The following WDHD1 variants were observed in gnomAD, a reference collection of about 807,000 sequenced individuals.
WDHD1 encodes the protein WD repeat and HMG-box DNA-binding protein 1.
Under a neutral mutation model 135.4 loss-of-function variants are expected in WDHD1, and 111 were observed. That is an observed-to-expected ratio of 0.82 (90% CI 0.70 to 0.96). The LOEUF (loss-of-function observed/expected upper bound fraction) is 0.96, where lower values mean the gene tolerates loss of function less well. Ranked by LOEUF, WDHD1 falls within the 40% of genes least tolerant of loss-of-function variation. The probability of loss-of-function intolerance (pLI) is 0.00; values close to 1 mark genes in which losing one functional copy is unlikely to be tolerated. For synonymous variants in WDHD1, 434 were observed against 439.0 expected (o/e 0.99, Z 0.14); for missense variants, 1,351 against 1,336.3 (o/e 1.01, Z -0.17).
rs1406588376 is a variant in WDHD1 at position 55,000,918 on chromosome 14, A to T, written c.768T>A (p.Val256=). ...TGCAGTCTTTGGTTTCCACATTCCA[A>T]ACTATGATTAGACCATTAATACTAC... is the stretch of plus-strand genomic sequence containing the variant. ...AAGSINGLII[V]WNVETKDCME... Residue 256 remains valine, a synonymous_variant, in exon 9 of 26, where the codon GTT becomes GTA. Transcript: ENST00000360586. 5.7e-6 allele frequency: 9 copies of T among 1,587,820 alleles called. No homozygotes were observed. In the Admixed American group the frequency reaches 1.6e-4, roughly 28 times the overall value.
intron 24 of WDHD1, among the ~76,000 whole-genome samples, chr14:54,947,085 A>G (rs575186617): frequency 1.3e-5 from 2 of 152,234 alleles, no homozygotes; most frequent in African/African-American, 4.8e-5. Flanking sequence ...CACACCTGTA[A>G]TCCCTGCACT....
chr14:55,011,524 CAAAAAAAAAA>C (rs60615259), intron 3 of WDHD1, among the ~76,000 whole-genome samples: 117 of 50,994 alleles, frequency 2.3e-3, no homozygotes, highest in Non-Finnish European at 3.4e-3. Flanking sequence ...AACTCTGTCT[CAAAAAAAAAA>C]AAAAAAAAAA....
chr14:54,966,500 T>C lies in WDHD1; in HGVS notation c.2285A>G (p.Gln762Arg). 6.2e-7 allele frequency: 1 copy of C among 1,603,256 alleles called. No individual in the cohort carries two copies. Among genetic ancestry groups the C allele is most frequent in the South Asian group, 1.1e-5 (1 of 88,890 alleles). The part of the protein sequence containing the change: ...STKNQATKEQ[Q>R]ELLMKMLALS... ...CGCAAGCATTTTCATTAAAAGTTCC[T>C]GTTGCTCTTTTGTTGCTTGATTTTT... The change falls in exon 18 of 26, where the codon CAG becomes CGG. Residue 762 changes from glutamine to arginine, a missense_variant. Coordinates refer to ENST00000360586, the MANE Select transcript of WDHD1 (RefSeq NM_007086.4).
At position 55,010,317 on chromosome 14, in the gene WDHD1, A is replaced by G. The variant is rs780903435; in HGVS notation, c.333T>C (p.Ala111=). ...ATGTCAAAGAGCCTTACCTAGATCCAGCAGCAATTTTAGTACCATCCCCAT... is the reference window on the plus strand; with the variant it reads ...ATGTCAAAGAGCCTTACCTAGATCCGGCAGCAATTTTAGTACCATCCCCAT... ...VFNGDGTKIA[A]GSSDFLVKIV... The change falls in exon 4 of 26, where the codon GCT becomes GCC. Residue 111 remains alanine (A), a synonymous_variant. Transcript: ENST00000360586. 6.3e-7 allele frequency: 1 copy of G among 1,599,722 alleles called. No homozygotes were observed. Among genetic ancestry groups the G allele is most frequent in the East Asian group, 2.2e-5 (1 of 44,590 alleles).
intron 1 of WDHD1, 29 bp from the exon 2 acceptor site, chr14:55,026,832 A>C: frequency 6.2e-7 from 1 of 1,607,168 alleles, no homozygotes; most frequent in Admixed American, 1.7e-5. Context: ...AGCCAGTCTT[A>C]TTATTTCAAA....
chr14:54,945,829 G>C (rs1239886644), intron 24 of WDHD1, among the ~76,000 whole-genome samples: 1 of 152,150 alleles, frequency 6.6e-6, no homozygotes, highest in Non-Finnish European at 1.5e-5. Context: ...GTGAGCCACT[G>C]TGCCTGGCCC....
intron 2 of WDHD1, among the ~76,000 whole-genome samples, chr14:55,021,285 AT>A (rs1381667484): frequency 1.3e-5 from 2 of 152,142 alleles, no homozygotes; most frequent in African/African-American, 4.8e-5. Context: ...CCTAAAGTCA[AT>A]TTGTTTTCTG....
At chr14:54,942,033 G>A (rs1237189054) in intron 25 of WDHD1, among the ~76,000 whole-genome samples, 2 of 151,976 alleles carry the variant, frequency 1.3e-5, no homozygotes, top group African/African-American at 4.8e-5. Context: ...GGTGGATCAC[G>A]GGGTCAGGAG....
chr14:54,954,507 A>C (rs548192643), intron 24 of WDHD1, among the ~76,000 whole-genome samples: 20 of 152,372 alleles, frequency 1.3e-4, no homozygotes, highest in African/African-American at 3.8e-4. Context: ...CTATATATGC[A>C]TCTGTGAGAA....
chr14:54,985,895 G>T (rs935910522), intron 14 of WDHD1, among the ~76,000 whole-genome samples: 1 of 152,218 alleles, frequency 6.6e-6, no homozygotes, highest in South Asian at 2.1e-4. Flanking sequence ...CCACTAGATT[G>T]TTAGTAAGCC....
At position 55,026,812 on chromosome 14, in the gene WDHD1, G is replaced by T; in HGVS notation, c.-16-9C>A. 1 of 1,612,868 alleles carries T rather than the reference G, an allele frequency of 6.2e-7. No individual in the cohort carries two copies. The highest frequency in any genetic ancestry group is 8.5e-7 in the Non-Finnish European group (1 of 1,178,900). On this transcript the variant is annotated splice_polypyrimidine_tract_variant and intron_variant, in intron 1 of 25. Transcript: ENST00000360586. ...TGTTTTCCTTTACCTATCTGAAAAT[G>T]TTTTATAAAAGCCAGTCTTATTATT... is the stretch of plus-strand genomic sequence containing the variant.
At chr14:55,018,071 C>T (rs2042289303) in intron 2 of WDHD1, among the ~76,000 whole-genome samples, 1 of 152,120 alleles carries the variant, frequency 6.6e-6, no homozygotes, top group Non-Finnish European at 1.5e-5. Flanking sequence ...TACTTTCTCC[C>T]TCTGCTTGGA....
At chr14:55,007,025 G>A (rs1045360299) in intron 7 of WDHD1, among the ~76,000 whole-genome samples, 2 of 151,778 alleles carry the variant, frequency 1.3e-5, no homozygotes, top group Admixed American at 6.6e-5. Context: ...TCAGGAGTTC[G>A]AGACCAGCCT....
intron 11 of WDHD1, among the ~76,000 whole-genome samples, chr14:54,995,028 T>C (rs1178199809): frequency 6.6e-6 from 1 of 152,204 alleles, no homozygotes; most frequent in Non-Finnish European, 1.5e-5. Context: ...TTGCCCATGC[T>C]GGCATGCAGT....
rs140023951 is a variant in WDHD1 at position 55,003,587 on chromosome 14, C to CTATATA, written c.601-1408_601-1403dup. The stretch of plus-strand genomic sequence containing the variant: ...TGTATAAAAAAGAAAGAAAAACGAA[C>CTATATA]TATATATATATAGTTGCCCAGGCTG... On this transcript the variant is annotated intron_variant, in intron 7 of 25. Coordinates refer to ENST00000360586, the MANE Select transcript of WDHD1 (RefSeq NM_007086.4). Among the ~76,000 whole-genome samples the CTATATA allele has an allele frequency of 3.8e-4, 54 of 143,706 alleles. 2 individuals are homozygous for CTATATA. The highest frequency in any genetic ancestry group is 1.1e-3 in the African/African-American group (39 of 34,338). The allele number at this position is 143,706 out of a possible 152,430, so 94.3% of individuals were successfully genotyped here.
intron 12 of WDHD1, 43 bp downstream of exon 12, chr14:54,991,170 G>T (rs769036676): frequency 9.1e-7 from 1 of 1,102,294 alleles, no homozygotes; most frequent in African/African-American, 1.6e-5. Context: ...AGAAAAAAGT[G>T]CTGAAAACCT....
intron 7 of WDHD1, among the ~76,000 whole-genome samples, chr14:55,002,767 GT>G (rs1027579461): frequency 1.3e-5 from 2 of 151,696 alleles, no homozygotes; most frequent in African/African-American, 4.8e-5. Flanking sequence ...TTTTTTTCCT[GT>G]TTTTTTGTAG....
intron 10 of WDHD1, among the ~76,000 whole-genome samples, chr14:54,996,185 T>C (rs1251817168): frequency 1.3e-5 from 2 of 152,232 alleles, no homozygotes; most frequent in African/African-American, 4.8e-5. Flanking sequence ...CAGTCTCTCA[T>C]TTACTTTTAT....
chr14:55,013,646 C>T (rs1338617069), intron 2 of WDHD1, 50 bp from the exon 3 acceptor site: 10 of 1,413,852 alleles, frequency 7.1e-6, no homozygotes, highest in Admixed American at 6.7e-5. Context: ...TGTCTCATGC[C>T]TATAATGCTA....
Sources: allele counts gnomAD v4.1 joint callset (sites outside exome capture counted in the v4.1 genomes callset), GRCh38; gene constraint gnomAD v4.1.1; transcripts MANE v1.5; gene names NCBI Gene and HGNC (gene_info 2026-07-23, HGNC 2026-07-21).